Variants in PLCG2 observed in about 807,000 individuals in gnomAD.
PLCG2 encodes the protein phospholipase C gamma 2, also known as 1-phosphatidylinositol 4,5-bisphosphate phosphodiesterase gamma-2.
Under a neutral mutation model 175.6 loss-of-function variants are expected in PLCG2, and 69 were observed. The observed-to-expected ratio is 0.39, with a 90% CI of 0.32 to 0.48. The LOEUF (loss-of-function observed/expected upper bound fraction) is 0.48, where lower values mean the gene tolerates loss of function less well. Among genes scored for constraint, PLCG2 ranks in the 20% least tolerant of loss-of-function variants. PLCG2 has a pLI of 0.91. For synonymous variants in PLCG2, 827 were observed against 624.0 expected (o/e 1.33, Z -4.85); for missense variants, 1,798 against 1,650.9 (o/e 1.09, Z -1.54).
chr16:81,841,743 G>C (rs957001501), intron 2 of PLCG2, among the ~76,000 whole-genome samples: 2 of 152,066 alleles, frequency 1.3e-5, no homozygotes, highest in Admixed American at 1.3e-4. Context: ...TGTGTGCCTC[G>C]GAAGCCCCTT....
chr16:81,763,605 G>A (rs1436129943), intron 2 of PLCG2, among the ~76,000 whole-genome samples: 2 of 152,226 alleles, frequency 1.3e-5, no homozygotes, highest in South Asian at 2.1e-4. Flanking sequence ...TAAGTTGTGT[G>A]CCTCAAGCCA....
At chr16:81,860,599 T>C (rs928258225) in intron 5 of PLCG2, among the ~76,000 whole-genome samples, 8 of 152,134 alleles carry the variant, frequency 5.3e-5, no homozygotes, top group African/African-American at 1.9e-4. Flanking sequence ...AAACTTGCTT[T>C]CTTTATGGGT....
chr16:81,949,095 T>C (rs1185385418), intron 31 of PLCG2, among the ~76,000 whole-genome samples: 1 of 152,016 alleles, frequency 6.6e-6, no homozygotes, highest in East Asian at 1.9e-4. Context: ...GAAGGAAAAG[T>C]CTCACAATCT....
chr16:81,824,979 CTT>C (rs1314816010), intron 2 of PLCG2, among the ~76,000 whole-genome samples: 12 of 152,128 alleles, frequency 7.9e-5, no homozygotes, highest in Admixed American at 3.3e-4. Flanking sequence ...AGGATTCTGG[CTT>C]TGAAGGTGGA....
At position 81,750,147 on chromosome 16, in the gene PLCG2, C is replaced by T. The variant is rs1423482822; in HGVS notation, c.-144-5723C>T. Among the ~76,000 whole-genome samples the T allele has an allele frequency of 2.0e-5, 3 of 152,150 alleles. No homozygotes were observed. The South Asian group carries it at 6.2e-4, about 32-fold the overall frequency. ...ATTTGGCTGGGTGTGGTGGCTCATG[C>T]CTGTAATCCCAGCACTTTGGGAGAA... is the stretch of plus-strand genomic sequence containing the variant. On this transcript the variant is annotated intron_variant, in intron 1 of 5. Coordinates refer to the PLCG2 transcript ENST00000565054.
chr16:81,828,291 G>C (rs1281108305), intron 2 of PLCG2, among the ~76,000 whole-genome samples: 2 of 128,192 alleles, frequency 1.6e-5, no homozygotes, highest in African/African-American at 5.8e-5. Flanking sequence ...TGTCACCCAG[G>C]CTGGAATGCA....
chr16:81,893,583 A>G (rs1259975473), intron 11 of PLCG2, 126 bp from the exon 12 acceptor site: 4 of 676,356 alleles, frequency 5.9e-6, no homozygotes, highest in African/African-American at 1.8e-5. Flanking sequence ...GTCTTTCTAC[A>G]TGGAAGAACT....
intron 5 of PLCG2, among the ~76,000 whole-genome samples, chr16:81,865,852 G>T (rs1267195794): frequency 6.8e-6 from 1 of 146,240 alleles, no homozygotes; most frequent in Non-Finnish European, 1.5e-5. Context: ...CCCAGGGTGA[G>T]CTCCAACTGG....
chr16:81,874,785 T>A (rs1032992649), intron 7 of PLCG2, among the ~76,000 whole-genome samples: 2 of 152,184 alleles, frequency 1.3e-5, no homozygotes, highest in African/African-American at 4.8e-5. Context: ...CTTCAGAGTT[T>A]CCAAAAGTTT....
intron 2 of PLCG2, among the ~76,000 whole-genome samples, chr16:81,763,109 ACTTG>A (rs1910074835): frequency 6.6e-6 from 1 of 152,206 alleles, no homozygotes; most frequent in South Asian, 2.1e-4. Context: ...AGATAAAAAT[ACTTG>A]CTTGCTCAGA....
Position 81,747,788 on chromosome 16 carries a change from A to G in PLCG2, c.-144-8082A>G, listed in dbSNP as rs149169966. ...AGAGAGATTTGCAAAATGCCTGGAC[A>G]CTCAAAAATGTCAGTGTCATAAAAG... On this transcript the variant is annotated intron_variant, in intron 1 of 5. Coordinates refer to the PLCG2 transcript ENST00000565054. Among the ~76,000 whole-genome samples the G allele has an allele frequency of 8.3e-3, 1,265 of 152,338 alleles. 16 individuals carry two copies. The highest frequency in any genetic ancestry group is 0.028 in the African/African-American group (1,180 of 41,572).
chr16:81,755,263 C>T (rs1289731796), intron 1 of PLCG2, among the ~76,000 whole-genome samples: 2 of 152,014 alleles, frequency 1.3e-5, no homozygotes, highest in South Asian at 2.1e-4. Flanking sequence ...GTGCCGTCAT[C>T]GTGGCTCACT....
chr16:81,838,980 C>T (rs1194618241), intron 2 of PLCG2, among the ~76,000 whole-genome samples: 1 of 151,934 alleles, frequency 6.6e-6, no homozygotes, highest in Admixed American at 6.6e-5. Context: ...GGCTTTGTGC[C>T]TCTCTTAAAG....
intron 2 of PLCG2, among the ~76,000 whole-genome samples, chr16:81,756,832 C>G (rs539853683): frequency 4.6e-5 from 7 of 152,338 alleles, no homozygotes; most frequent in African/African-American, 1.7e-4. Flanking sequence ...CTGCCTTATC[C>G]TGCTTCTTCA....
At chr16:81,787,578 C>T (rs1296486886) in intron 2 of PLCG2, among the ~76,000 whole-genome samples, 1 of 149,434 alleles carries the variant, frequency 6.7e-6, no homozygotes, top group Non-Finnish European at 1.5e-5. Flanking sequence ...ACATAATTCA[C>T]ATAGTATACA....
At chr16:81,895,739 C>T in intron 12 of PLCG2, 68 bp from the exon 13 acceptor site, 1 of 1,586,042 alleles carries the variant, frequency 6.3e-7, no homozygotes, top group Non-Finnish European at 8.6e-7. Flanking sequence ...GGTGTGTGGG[C>T]CGGGGGCTGA....
At chr16:81,778,065 C>CAAAAA (rs1491296414), upstream of PLCG2, among the ~76,000 whole-genome samples, 47 of 32,272 alleles carry the variant, frequency 1.5e-3, no homozygotes, top group Non-Finnish European at 2.4e-3. Flanking sequence ...CAAAAAAAAC[C>CAAAAA]AAAAACACAC....
chr16:81,808,570 T>C (rs536909680), intron 2 of PLCG2, among the ~76,000 whole-genome samples: 1 of 152,262 alleles, frequency 6.6e-6, no homozygotes, highest in South Asian at 2.1e-4. Context: ...CTCGGCTCGC[T>C]ACAACCTCCG....
At chr16:81,917,956 CAA>C (rs1440900862) in intron 19 of PLCG2, among the ~76,000 whole-genome samples, 3 of 152,192 alleles carry the variant, frequency 2.0e-5, no homozygotes, top group Admixed American at 6.5e-5. Context: ...CTCCTGACCT[CAA>C]GTGATCTGCC....
Sources: gnomAD v4.1 joint callset for allele counts (sites outside exome capture counted in the v4.1 genomes callset) on GRCh38, gnomAD v4.1.1 for gene constraint, MANE v1.5 for transcripts, NCBI Gene and HGNC (gene_info 2026-07-23, HGNC 2026-07-21) for gene names.